Variants in PSMG2 observed in about 807,000 individuals in gnomAD.
PSMG2 encodes the protein proteasome assembly chaperone 2, also known as CD40 ligand-activated specific transcript 3.
PSMG2 carries 21 observed loss-of-function variants against 31.5 expected under a neutral mutation model. That is an observed-to-expected ratio of 0.67 (90% CI 0.47 to 0.96). PSMG2 has a LOEUF of 0.96. Ranked by LOEUF, PSMG2 falls within the 40% of genes least tolerant of loss-of-function variation. The pLI is 0.00. For synonymous variants in PSMG2, 120 were observed against 110.4 expected, an observed-to-expected ratio of 1.09 and a Z score of -0.54; for missense variants, 318 against 321.2, an observed-to-expected ratio of 0.99 and a Z score of 0.08.
At chr18:12,684,017 TATC>T (rs1278302147) in intron 1 of PSMG2, among the ~76,000 whole-genome samples, 7 of 150,560 alleles carry the variant, frequency 4.6e-5, no homozygotes, top group Non-Finnish European at 7.4e-5. Flanking sequence ...ATATATATGA[TATC>T]ATATATATAT....
intron 1 of PSMG2, among the ~76,000 whole-genome samples, chr18:12,683,186 C>CAAAAAAAAAAAAAAAAAAAAAAAAAAA (rs765652085): frequency 1.7e-4 from 11 of 63,676 alleles, no homozygotes; most frequent in Middle Eastern, 0.014. Flanking sequence ...CTAAAAATAC[C>CAAAAAAAAAAAAAAAAAAAAAAAAAAA]AAAAAAAAAA....
chr18:12,711,222 A>T (rs1461555295), intron 2 of PSMG2, among the ~76,000 whole-genome samples: 1 of 152,128 alleles, frequency 6.6e-6, no homozygotes, highest in African/African-American at 2.4e-5. Context: ...GAGTGAGCCG[A>T]TATCGCACCA....
chr18:12,676,378 G>A (rs774186112), intron 1 of PSMG2, among the ~76,000 whole-genome samples: 28 of 140,268 alleles, frequency 2.0e-4, no homozygotes, highest in South Asian at 1.8e-3. Flanking sequence ...CTGCCTCCCC[G>A]GCTCCTTTCA....
upstream of PSMG2, chr18:12,702,353 C>T (rs150907644): frequency 4.0e-4 from 271 of 684,782 alleles, 1 homozygote; most frequent in East Asian, 7.2e-3. Flanking sequence ...GCTCTGCCTA[C>T]TCTGCGTTGC....
At chr18:12,672,756 T>G in intron 1 of PSMG2, 1 of 975,266 alleles carries the variant, frequency 1.0e-6, no homozygotes, top group Non-Finnish European at 1.2e-6. Flanking sequence ...TCATGTACTT[T>G]CATATGAGGT....
chr18:12,663,970 G>C (rs1036556636), intron 1 of PSMG2, among the ~76,000 whole-genome samples: 2 of 152,130 alleles, frequency 1.3e-5, no homozygotes, highest in Non-Finnish European at 2.9e-5. Context: ...TTCAAGACCA[G>C]CCTGACCAAC....
At chr18:12,687,482 G>A (rs1172225943) in intron 1 of PSMG2, among the ~76,000 whole-genome samples, 1 of 144,706 alleles carries the variant, frequency 6.9e-6, no homozygotes, top group Non-Finnish European at 1.5e-5. Flanking sequence ...TTGAGACAGA[G>A]TCTCGCTGTT....
At chr18:12,702,544 G>C (rs1485933402), upstream of PSMG2, 14 of 1,602,986 alleles carry the variant, frequency 8.7e-6, no homozygotes, top group Non-Finnish European at 9.3e-6. Context: ...CGGAGGCAGC[G>C]ACATGCTGGC....
At chr18:12,679,064 G>C (rs1350945921) in intron 1 of PSMG2, 3 of 152,184 alleles carry the variant, frequency 2.0e-5, no homozygotes, top group African/African-American at 7.2e-5. Flanking sequence ...CAGGGAGAAA[G>C]AGGACTCGGG....
In PSMG2 at chr18:12,725,554, A is replaced by G; in HGVS notation, c.*23A>G. The G allele has an allele frequency of 6.6e-7, 1 of 1,525,460 alleles. No individual in the cohort carries two copies. 94.5% of individuals were successfully genotyped at this position (1,525,460 alleles called of 1,614,324 possible). A position where few individuals can be genotyped will look rare whatever the true frequency, so the allele number is the denominator to read the frequency against. On this transcript the variant is annotated 3_prime_UTR_variant, in exon 7 of 7. Transcript: ENST00000317615. Reference sequence around the variant, plus strand: ...TGATCTAATTTCTGTTTTATACCTTATACCCAAAACACTTACTACCAACAC... The same window carrying G: ...TGATCTAATTTCTGTTTTATACCTTGTACCCAAAACACTTACTACCAACAC...
intron 3 of PSMG2, among the ~76,000 whole-genome samples, chr18:12,715,629 C>T (rs998150328): frequency 3.9e-5 from 6 of 152,014 alleles, no homozygotes; most frequent in Non-Finnish European, 7.4e-5. Flanking sequence ...TCTCAGCCTC[C>T]TGAGTAACTG....
intron 1 of PSMG2, among the ~76,000 whole-genome samples, chr18:12,682,411 A>G (rs933611190): frequency 4.6e-5 from 7 of 152,122 alleles, no homozygotes; most frequent in African/African-American, 1.7e-4. Context: ...CTGGTCTCGA[A>G]TTCCTGGACT....
At position 12,724,705 on chromosome 18, in the gene PSMG2, A is replaced by C. The variant is rs941974338; in HGVS notation, c.702+86A>C. ...TATATACTACCTAAGTAGACCAAGT[A>C]AGTGAACGTTTGTATTAAATATAGA... On this transcript the variant is annotated intron_variant, in intron 6 of 6. Transcript: ENST00000317615. 3.2e-6 allele frequency: 4 copies of C among 1,265,956 alleles called. No homozygotes were observed. The African/African-American group carries it at 6.2e-5, about 19-fold the overall frequency. 78.4% of individuals were successfully genotyped at this position (1,265,956 alleles called of 1,614,324 possible).
intron 3 of PSMG2, among the ~76,000 whole-genome samples, chr18:12,715,104 G>A (rs911206871): frequency 6.6e-6 from 1 of 151,840 alleles, no homozygotes; most frequent in Admixed American, 6.6e-5. Flanking sequence ...TGCCTGCTGG[G>A]TTCAAGCGAT....
intron 2 of PSMG2, among the ~76,000 whole-genome samples, chr18:12,709,407 A>G (rs975744646): frequency 1.3e-4 from 19 of 150,982 alleles, no homozygotes; most frequent in Admixed American, 2.0e-4. Flanking sequence ...GCTCACTGCA[A>G]CCTCTGCCTC....
intron 3 of PSMG2, among the ~76,000 whole-genome samples, chr18:12,716,072 C>G (rs541342910): frequency 6.6e-6 from 1 of 152,284 alleles, no homozygotes; most frequent in East Asian, 1.9e-4. Flanking sequence ...TGGAAGTAGC[C>G]ATAGTTCATT....
intron 4 of PSMG2, among the ~76,000 whole-genome samples, chr18:12,719,448 CATG>C (rs2040409182): frequency 6.6e-6 from 1 of 152,042 alleles, no homozygotes; most frequent in Non-Finnish European, 1.5e-5. Flanking sequence ...AGTGCAGTGG[CATG>C]GTCTCAGCTC....
chr18:12,695,565 C>T (rs1427525735), intron 1 of PSMG2, among the ~76,000 whole-genome samples: 1 of 151,902 alleles, frequency 6.6e-6, no homozygotes, highest in Non-Finnish European at 1.5e-5. Context: ...ATTTTCTTAG[C>T]TTTCTGACAC....
At chr18:12,668,503 CAGG>C (rs752589930) in intron 1 of PSMG2, among the ~76,000 whole-genome samples, 2 of 141,166 alleles carry the variant, frequency 1.4e-5, no homozygotes, top group Non-Finnish European at 3.0e-5. Flanking sequence ...GAGGCTAAGG[CAGG>C]AGAATCACTT....
Sources: allele counts gnomAD v4.1 joint callset (sites outside exome capture counted in the v4.1 genomes callset), GRCh38; gene constraint gnomAD v4.1.1; transcripts MANE v1.5; gene names NCBI Gene and HGNC (gene_info 2026-07-23, HGNC 2026-07-21).